CNMD: variants seen among roughly 807,000 people sequenced by gnomAD.
CNMD encodes the protein leukocyte cell-derived chemotaxin 1.
CNMD carries 30 observed loss-of-function variants against 37.5 expected under a neutral mutation model. The ratio of observed to expected loss-of-function variants is 0.80; its 90% CI spans 0.60 to 1.09. The LOEUF (loss-of-function observed/expected upper bound fraction) is 1.09. Among genes scored for constraint, CNMD ranks in the 50% least tolerant of loss-of-function variants. CNMD has a pLI of 0.00. For missense variants in CNMD, 398 were observed against 423.9 expected (o/e 0.94, Z 0.54); for synonymous variants, 167 against 148.2 (o/e 1.13, Z -0.92).
In CNMD at chr13:52,703,757, GAT is replaced by G. The variant is rs1367600553; in HGVS notation, c.841_842del (p.Ile281LeufsTer6). The G allele has an allele frequency of 3.1e-6, 5 of 1,613,844 alleles. No individual in the cohort carries two copies. The highest frequency in any genetic ancestry group is 4.2e-6 in the Non-Finnish European group (5 of 1,179,898). On this transcript the variant is annotated frameshift_variant, in exon 7 of 7. Coordinates refer to ENST00000377962, the MANE Select transcript of CNMD (RefSeq NM_007015.3). LOFTEE classifies it high-confidence loss of function. ...TFDPRLDHEG[I>X]CCIECRRSYT... is the part of the protein sequence containing the mutation. Reference sequence around the variant, plus strand: ...AGCTCCGCCTACATTCTATACAACAGATTCCTTCGTGATCCAGTCTAGGGTCG... The same window carrying G: ...AGCTCCGCCTACATTCTATACAACAGTCCTTCGTGATCCAGTCTAGGGTCG...
chr13:52,730,087 C>G (rs1178231129), intron 3 of CNMD, among the ~76,000 whole-genome samples: 1 of 151,018 alleles, frequency 6.6e-6, no homozygotes, highest in Non-Finnish European at 1.5e-5. Context: ...CTTTTTTGTC[C>G]TTGCGATAGT....
At chr13:52,721,801 A>C (rs1964487818) in intron 4 of CNMD, among the ~76,000 whole-genome samples, 1 of 152,224 alleles carries the variant, frequency 6.6e-6, no homozygotes, top group Non-Finnish European at 1.5e-5. Flanking sequence ...TATTGTTTTT[A>C]AAAATCAGGG....
Position 52,708,628 on chromosome 13 carries a change from G to T in CNMD, c.697C>A (p.Arg233=), listed in dbSNP as rs537073101. 6.2e-7 allele frequency: 1 copy of T among 1,613,916 alleles called. No homozygotes were observed. Among genetic ancestry groups the T allele is most frequent in the Non-Finnish European group, 8.5e-7 (1 of 1,179,876 alleles). ...AGTCTTCCAGCGCCTGGGTTGCTCC[G>T]TGGTCCACTGTGTGGTCTTTTTGTG... ...TTTKRPHSGP[R]SNPGAGRLNN... is the part of the protein sequence containing the mutation. The change falls in exon 6 of 7, where the codon CGG becomes AGG. Residue 233 remains arginine (R), a synonymous_variant. Coordinates refer to ENST00000377962, the MANE Select transcript of CNMD (RefSeq NM_007015.3).
chr13:52,719,526 T>TG (rs1964445945), intron 4 of CNMD, among the ~76,000 whole-genome samples: 1 of 152,250 alleles, frequency 6.6e-6, no homozygotes, highest in Admixed American at 6.5e-5. Context: ...GGGCTGGTGG[T>TG]GACACAATCT....
intron 6 of CNMD, among the ~76,000 whole-genome samples, chr13:52,704,309 A>G (rs1285186829): frequency 1.3e-5 from 2 of 152,216 alleles, no homozygotes; most frequent in Non-Finnish European, 2.9e-5. Flanking sequence ...GGCTCTGAGA[A>G]CACTGTCAAG....
intron 6 of CNMD, 85 bp from the exon 7 acceptor site, chr13:52,703,895 T>G: frequency 8.6e-7 from 1 of 1,164,812 alleles, no homozygotes; most frequent in Non-Finnish European, 1.2e-6. Flanking sequence ...AGATTCTGAA[T>G]TTTTCACTGC....
intron 6 of CNMD, among the ~76,000 whole-genome samples, chr13:52,704,788 G>A (rs550396621): frequency 2.0e-5 from 3 of 152,240 alleles, no homozygotes; most frequent in Non-Finnish European, 4.4e-5. Context: ...TCAGCCACGC[G>A]CAGTGGCTCA....
At chr13:52,712,615 C>T (rs1184699253) in intron 5 of CNMD, 101 bp downstream of exon 5, 2 of 676,534 alleles carry the variant, frequency 3.0e-6, no homozygotes. Context: ...CCTGATTTAT[C>T]CTCCTTGTTA....
intron 4 of CNMD, among the ~76,000 whole-genome samples, chr13:52,719,735 C>G (rs1278121087): frequency 2.0e-5 from 3 of 152,122 alleles, no homozygotes; most frequent in Non-Finnish European, 4.4e-5. Flanking sequence ...GTAACCCGAA[C>G]TTTCTCTCTG....
intron 3 of CNMD, among the ~76,000 whole-genome samples, chr13:52,732,720 T>C (rs1233867771): frequency 6.6e-6 from 1 of 152,212 alleles, no homozygotes; most frequent in Non-Finnish European, 1.5e-5. Context: ...CATTCTTGGA[T>C]TGTTTTGAGC....
intron 3 of CNMD, among the ~76,000 whole-genome samples, chr13:52,731,525 G>T (rs761114608): frequency 6.6e-6 from 1 of 152,196 alleles, no homozygotes; most frequent in African/African-American, 2.4e-5. Flanking sequence ...TTAGAGAAAT[G>T]TGGAAGCTAT....
At chr13:52,733,653 G>A (rs1283272983) in intron 2 of CNMD, 1 of 439,024 alleles carries the variant, frequency 2.3e-6, no homozygotes, top group African/African-American at 2.0e-5. Context: ...GACTCTCTGG[G>A]TACCATGCCT....
intron 4 of CNMD, among the ~76,000 whole-genome samples, chr13:52,718,008 C>T (rs1403411357): frequency 6.6e-6 from 1 of 152,122 alleles, no homozygotes; most frequent in Non-Finnish European, 1.5e-5. Context: ...TAATTACTGC[C>T]TCAATTTCAG....
intron 6 of CNMD, 85 bp downstream of exon 6, chr13:52,708,451 G>A: frequency 7.8e-7 from 1 of 1,275,354 alleles, no homozygotes; most frequent in East Asian, 2.5e-5. Flanking sequence ...AAAGTGCTAG[G>A]ATTACAGGCG....
intron 6 of CNMD, among the ~76,000 whole-genome samples, chr13:52,705,681 G>C (rs1014180824): frequency 4.6e-5 from 7 of 152,176 alleles, no homozygotes; most frequent in African/African-American, 1.4e-4. Context: ...AACTGAATGA[G>C]ATCATGGAGA....
chr13:52,722,479 C>CT (rs1365834748), intron 4 of CNMD, among the ~76,000 whole-genome samples: 1 of 152,196 alleles, frequency 6.6e-6, no homozygotes, highest in Non-Finnish European at 1.5e-5. Flanking sequence ...CAGCAGCCAT[C>CT]TGTCAACCAT....
chr13:52,733,584 A>T lies in CNMD; in HGVS notation c.214-225T>A, dbSNP rs1486536506. On this transcript the variant is annotated intron_variant, in intron 2 of 6. Coordinates refer to ENST00000377962, the MANE Select transcript of CNMD (RefSeq NM_007015.3). ...AGTAAAGACTTTGGTTGCCTCTGAC[A>T]CCTATTCCAATAGCTCCATAATTTG... The T allele has an allele frequency of 4.9e-6, 3 of 608,646 alleles. No homozygotes were observed. In the Admixed American group the frequency reaches 6.5e-5, roughly 13 times the overall value. 37.7% of individuals were successfully genotyped at this position (608,646 alleles called of 1,614,324 possible).
Position 52,739,768 on chromosome 13 carries a change from C to A in CNMD, c.-67G>T. ...CACCCTGGGATCTGTCCCGCTGCCC[C>A]GACGTGCAGGGCATTTCAACGCCGC... On this transcript the variant is annotated 5_prime_UTR_variant, in exon 1 of 7. Coordinates refer to ENST00000377962, the MANE Select transcript of CNMD (RefSeq NM_007015.3). This position sits in a 1 kb window ranked among gnomAD's most constrained non-coding sequence, Gnocchi z 5.4. 1.4e-6 allele frequency: 2 copies of A among 1,409,716 alleles called. No homozygotes were observed. The highest frequency in any genetic ancestry group is 1.0e-6 in the Non-Finnish European group (1 of 998,838). The allele number at this position is 1,409,716 out of a possible 1,614,324, so 87.3% of individuals were successfully genotyped here.
chr13:52,736,216 C>G (rs142947165), intron 2 of CNMD, among the ~76,000 whole-genome samples: 21,291 of 152,154 alleles, frequency 0.14, 1,536 homozygotes, highest in East Asian at 0.3. Flanking sequence ...GGATGGTCTC[C>G]ATCTCCTGAC....
Sources: gnomAD v4.1 joint callset for allele counts (sites outside exome capture counted in the v4.1 genomes callset) on GRCh38, gnomAD v4.1.1 for gene constraint, Gnocchi (gnomAD v3.1) non-coding constraint, MANE v1.5 for transcripts, NCBI Gene and HGNC (gene_info 2026-07-23, HGNC 2026-07-21) for gene names.